FA2H: variants seen among roughly 807,000 people sequenced by gnomAD.
FA2H encodes the protein fatty acid alpha-hydroxylase.
A neutral mutation model predicts 44.9 loss-of-function variants in FA2H; 22 were observed. The observed-to-expected ratio is 0.49, with a 90% confidence interval of 0.35 to 0.70. The LOEUF (loss-of-function observed/expected upper bound fraction) is 0.70. Ranked by LOEUF, FA2H falls within the 30% of genes least tolerant of loss-of-function variation. FA2H has a pLI of 0.01. For missense variants in FA2H, 501 were observed against 504.9 expected (o/e 0.99, Z 0.07); for synonymous variants, 243 against 213.2 (o/e 1.14, Z -1.22).
At chr16:74,767,526 T>G (rs762369721) in intron 1 of FA2H, among the ~76,000 whole-genome samples, 1 of 152,086 alleles carries the variant, frequency 6.6e-6, no homozygotes, top group Non-Finnish European at 1.5e-5. Flanking sequence ...TCTAGGTGGG[T>G]CCAGTGTGAC....
At chr16:74,772,950 T>C (rs778745974) in intron 1 of FA2H, among the ~76,000 whole-genome samples, 1 of 152,038 alleles carries the variant, frequency 6.6e-6, no homozygotes, top group Non-Finnish European at 1.5e-5. Context: ...GGCATGATCA[T>C]GGCTCACTGC....
chr16:74,734,408 G>T (rs966940143), intron 2 of FA2H, among the ~76,000 whole-genome samples: 8 of 152,240 alleles, frequency 5.3e-5, no homozygotes, highest in African/African-American at 1.9e-4. Flanking sequence ...GGATTTTTTG[G>T]TGATTCAAAG....
intron 1 of FA2H, among the ~76,000 whole-genome samples, chr16:74,743,870 A>G (rs572840124): frequency 6.6e-6 from 1 of 152,242 alleles, no homozygotes; most frequent in South Asian, 2.1e-4. Flanking sequence ...GGAGACTCCA[A>G]GGAAAACCAG....
intron 1 of FA2H, among the ~76,000 whole-genome samples, chr16:74,757,526 G>C (rs11149765): frequency 0.73 from 111,037 of 152,040 alleles, 40,925 homozygotes; most frequent in Middle Eastern, 0.81. Flanking sequence ...ATATGCAAAG[G>C]GATTGTGTAA....
intron 2 of FA2H, 64 bp from the exon 3 acceptor site, chr16:74,727,450 TC>T (rs1961984473): frequency 6.4e-7 from 1 of 1,555,286 alleles, no homozygotes; most frequent in East Asian, 2.2e-5. Flanking sequence ...TTCTCCCATT[TC>T]CTCGTTACAG....
At chr16:74,715,271 T>C (rs1961667565) in intron 6 of FA2H, among the ~76,000 whole-genome samples, 1 of 152,158 alleles carries the variant, frequency 6.6e-6, no homozygotes, top group African/African-American at 2.4e-5. Context: ...AAAGACTTAG[T>C]ATAAGAGTTG....
chr16:74,731,790 G>A (rs1356747390), intron 2 of FA2H, among the ~76,000 whole-genome samples: 1 of 152,074 alleles, frequency 6.6e-6, no homozygotes. Context: ...CTATGCTTTT[G>A]GTATTTTCCT....
chr16:74,773,837 T>C lies in FA2H; in HGVS notation c.270+649A>G, dbSNP rs752170416. 1.1e-4 allele frequency among the ~76,000 whole-genome samples: 17 copies of C among 152,322 alleles called. No homozygotes were observed. In the South Asian group the frequency reaches 1.4e-3, roughly 13 times the overall value. On this transcript the variant is annotated intron_variant, in intron 1 of 6. Transcript: ENST00000219368. The stretch of plus-strand genomic sequence containing the variant: ...GTCCAAAGTGCTGGTCCCTTTTCCT[T>C]GGCAAAACTGGCTCATGCCTTTCAT...
In FA2H at chr16:74,740,038, C is replaced by T; in HGVS notation, c.348G>A (p.Val116=). ...TGCCAGGTACCTTGTCCCAATCCAC[C>T]ACTTTGAACCGTGGTTCCATAGCAG... is the stretch of plus-strand genomic sequence containing the variant. The part of the protein sequence containing the change: ...TDPAMEPRFK[V]VDWDKDLVDW... Residue 116 remains valine (V), a synonymous_variant, in exon 2 of 7, where the codon GTG becomes GTA. Coordinates refer to ENST00000219368, the MANE Select transcript of FA2H (RefSeq NM_024306.5). 1 of 1,613,770 alleles carries T rather than the reference C, an allele frequency of 6.2e-7. No individual in the cohort carries two copies. The highest frequency in any genetic ancestry group is 8.5e-7 in the Non-Finnish European group (1 of 1,179,684).
chr16:74,763,504 T>C (rs1962750724), intron 1 of FA2H, among the ~76,000 whole-genome samples: 1 of 152,168 alleles, frequency 6.6e-6, no homozygotes, highest in Non-Finnish European at 1.5e-5. Flanking sequence ...GCGATCCGCC[T>C]TCCTCAGCTT....
intron 4 of FA2H, among the ~76,000 whole-genome samples, chr16:74,720,147 C>T (rs975338804): frequency 3.0e-5 from 4 of 132,814 alleles, no homozygotes; most frequent in Non-Finnish European, 6.3e-5. Context: ...TTTCAGCTCT[C>T]ATTCCTGTTT....
chr16:74,714,595 G>T (rs1378511452), intron 6 of FA2H, among the ~76,000 whole-genome samples: 1 of 145,890 alleles, frequency 6.9e-6, no homozygotes, highest in African/African-American at 2.5e-5. Context: ...CTTTGCACCA[G>T]TCGCTCTTGG....
Position 74,752,224 on chromosome 16 carries a change from C to A in FA2H, c.271-12109G>T, listed in dbSNP as rs71392616. Among the ~76,000 whole-genome samples, 312 of 152,324 alleles carry A rather than the reference C, an allele frequency of 2.0e-3. 4 individuals are homozygous for A. Among genetic ancestry groups the A allele is most frequent in the Admixed American group, 3.5e-3 (54 of 15,300 alleles). On this transcript the variant is annotated intron_variant, in intron 1 of 6. Transcript: ENST00000219368. ...TCTTGCTGCTTCCACTCTTGACTCC[C>A]CCCAAGCCCAATCTGCCCTCCACAT...
At chr16:74,726,666 C>T (rs528203656) in intron 3 of FA2H, among the ~76,000 whole-genome samples, 23 of 152,308 alleles carry the variant, frequency 1.5e-4, no homozygotes, top group Admixed American at 1.4e-3. Context: ...GGATTACAGG[C>T]GTGAGCCACC....
chr16:74,718,607 A>G (rs542659214), intron 5 of FA2H, among the ~76,000 whole-genome samples: 1 of 152,220 alleles, frequency 6.6e-6, no homozygotes, highest in Non-Finnish European at 1.5e-5. Context: ...GGCTGTTTTC[A>G]GCACAAGCTC....
chr16:74,734,612 A>C lies in FA2H; in HGVS notation c.363+5411T>G, dbSNP rs548054795. ...CAGCAGCACGGCAGGGGGAAAGGGC[A>C]GCCTGCTGCCCAGAGGGTGGGCGGA... On this transcript the variant is annotated intron_variant, in intron 2 of 6. Coordinates refer to ENST00000219368, the MANE Select transcript of FA2H (RefSeq NM_024306.5). 3.9e-5 allele frequency among the ~76,000 whole-genome samples: 6 copies of C among 152,334 alleles called. No homozygotes were observed. The South Asian group carries it at 1.2e-3, about 32-fold the overall frequency.
chr16:74,765,604 C>A (rs1196001002), intron 1 of FA2H, among the ~76,000 whole-genome samples: 1 of 152,150 alleles, frequency 6.6e-6, no homozygotes, highest in African/African-American at 2.4e-5. Flanking sequence ...TCTCACTCTG[C>A]TGCCCAGACT....
intron 1 of FA2H, among the ~76,000 whole-genome samples, chr16:74,771,230 A>T (rs7185704): frequency 6.6e-6 from 1 of 151,736 alleles, no homozygotes; most frequent in African/African-American, 2.4e-5. Flanking sequence ...CTTACCTGTC[A>T]CCCAGACTGG....
chr16:74,750,811 C>G (rs1962514629), intron 1 of FA2H, among the ~76,000 whole-genome samples: 3 of 108,254 alleles, frequency 2.8e-5, no homozygotes, highest in Non-Finnish European at 6.0e-5. Flanking sequence ...GGGTCTCGCT[C>G]TGTCAGCAGG....
Sources: allele counts gnomAD v4.1 joint callset (sites outside exome capture counted in the v4.1 genomes callset), GRCh38; gene constraint gnomAD v4.1.1; transcripts MANE v1.5; gene names NCBI Gene and HGNC (gene_info 2026-07-23, HGNC 2026-07-21).